Variants in HTR1E observed in about 807,000 individuals in gnomAD.
HTR1E encodes the protein 5-HT-1E.
Under a neutral mutation model 3.4 loss-of-function variants are expected in HTR1E, and 3 were observed. The observed-to-expected ratio is 0.89, with a 90% CI of 0.41 to 2.31. HTR1E has a LOEUF of 2.31. HTR1E is among the 30% of genes most tolerant of loss of function. The probability of loss-of-function intolerance (pLI) is 0.05; values close to 1 mark genes in which losing one functional copy is unlikely to be tolerated. For missense variants in HTR1E, 392 were observed against 467.0 expected (o/e 0.84, Z 1.48); for synonymous variants, 170 against 182.8 (o/e 0.93, Z 0.56).
chr6:87,000,720 A>AATG (rs1768009567), intron 1 of HTR1E, among the ~76,000 whole-genome samples: 4 of 152,236 alleles, frequency 2.6e-5, no homozygotes, highest in Admixed American at 6.5e-5. Flanking sequence ...GATTTCATCA[A>AATG]CACCAGACCT....
chr6:87,007,383 TTAGA>T lies in HTR1E; in HGVS notation c.-185-7762_-185-7759del, dbSNP rs1768129463. Among the ~76,000 whole-genome samples the T allele has an allele frequency of 3.3e-5, 5 of 152,214 alleles. No individual in the cohort carries two copies. The South Asian group carries it at 1.0e-3, about 32-fold the overall frequency. ...ATGGTTAATGGGTACAAAAGTATAG[TTAGA>T]TAGAAAAAATAAGATATTGCATTTG... On this transcript the variant is annotated intron_variant, in intron 1 of 1. Transcript: ENST00000305344.
intron 1 of HTR1E, among the ~76,000 whole-genome samples, chr6:86,993,836 G>A (rs1272876377): frequency 1.3e-5 from 2 of 152,104 alleles, no homozygotes; most frequent in East Asian, 1.9e-4. Flanking sequence ...ATCTGCAGAC[G>A]AAAAGGATTT....
chr6:86,954,429 A>G (rs904601970), intron 1 of HTR1E, among the ~76,000 whole-genome samples: 6 of 152,220 alleles, frequency 3.9e-5, no homozygotes, highest in Non-Finnish European at 8.8e-5. Flanking sequence ...ATCTGCTCAG[A>G]CAGCTGAATA....
In HTR1E at chr6:87,012,987, T is replaced by C. The variant is rs190198676; in HGVS notation, c.-185-2163T>C. ...TTAGGTTAAAGTAAATCAGGACTTA[T>C]GAAGTGAAATGTCAGTTTTCTAATG... is the stretch of plus-strand genomic sequence containing the variant. On this transcript the variant is annotated intron_variant, in intron 1 of 1. Transcript: ENST00000305344. Among the ~76,000 whole-genome samples, 602 of 152,328 alleles carry C rather than the reference T, an allele frequency of 4.0e-3. 5 individuals are homozygous for C. Among genetic ancestry groups the C allele is most frequent in the Non-Finnish European group, 5.9e-3 (399 of 68,016 alleles).
At chr6:86,998,312 G>C (rs550979552) in intron 1 of HTR1E, among the ~76,000 whole-genome samples, 1 of 152,070 alleles carries the variant, frequency 6.6e-6, no homozygotes, top group East Asian at 1.9e-4. Flanking sequence ...ATATCACCAA[G>C]ATAGACTACA....
intron 1 of HTR1E, among the ~76,000 whole-genome samples, chr6:86,954,233 G>A (rs932001932): frequency 6.6e-6 from 1 of 152,206 alleles, no homozygotes; most frequent in Non-Finnish European, 1.5e-5. Context: ...CAGAGCCTGA[G>A]ATATTTCCAT....
intron 1 of HTR1E, chr6:86,970,586 A>G (rs1366976020): frequency 1.2e-5 from 2 of 160,336 alleles, no homozygotes. Flanking sequence ...AAAGGCAAGG[A>G]GAAAGCTTAT....
chr6:86,978,586 A>G (rs1045364800), intron 1 of HTR1E, among the ~76,000 whole-genome samples: 3 of 152,200 alleles, frequency 2.0e-5, no homozygotes, highest in Admixed American at 2.0e-4. Flanking sequence ...GTTATGTGAG[A>G]TAATAAATTT....
intron 1 of HTR1E, among the ~76,000 whole-genome samples, chr6:86,972,687 T>C (rs1461755623): frequency 1.3e-5 from 2 of 152,164 alleles, no homozygotes; most frequent in African/African-American, 4.8e-5. Flanking sequence ...ACAAGCTAAT[T>C]ATAATATAAT....
chr6:86,960,286 G>A (rs552477884), intron 1 of HTR1E, among the ~76,000 whole-genome samples: 6 of 152,246 alleles, frequency 3.9e-5, no homozygotes, highest in South Asian at 4.2e-4. Flanking sequence ...CTCACTTGGC[G>A]GAAGTGCAGA....
chr6:86,999,922 A>G (rs772478287), intron 1 of HTR1E: 3 of 152,214 alleles, frequency 2.0e-5, no homozygotes, highest in Non-Finnish European at 4.4e-5. Flanking sequence ...GCCTTCAATA[A>G]ATACAAAGCA....
intron 1 of HTR1E, among the ~76,000 whole-genome samples, chr6:86,945,691 T>A (rs1051876797): frequency 6.6e-6 from 1 of 152,158 alleles, no homozygotes; most frequent in Admixed American, 6.5e-5. Context: ...TCAAAAAGGT[T>A]TTTTTAATTT....
At chr6:86,960,982 G>C (rs1767400116) in intron 1 of HTR1E, among the ~76,000 whole-genome samples, 1 of 152,170 alleles carries the variant, frequency 6.6e-6, no homozygotes, top group Non-Finnish European at 1.5e-5. Flanking sequence ...ATTCTGAATT[G>C]CTTTACACAT....
At chr6:86,976,711 C>G (rs1374369037) in intron 1 of HTR1E, among the ~76,000 whole-genome samples, 1 of 152,186 alleles carries the variant, frequency 6.6e-6, no homozygotes, top group Non-Finnish European at 1.5e-5. Flanking sequence ...CATTTCATCA[C>G]GTCAATGTGT....
At chr6:87,001,509 GGAA>G (rs1266525245) in intron 1 of HTR1E, among the ~76,000 whole-genome samples, 1 of 152,280 alleles carries the variant, frequency 6.6e-6, no homozygotes, top group African/African-American at 2.4e-5. Context: ...GTATTGCCAA[GGAA>G]GAAGATTTTA....
At chr6:86,965,331 T>C (rs1767458339) in intron 1 of HTR1E, among the ~76,000 whole-genome samples, 1 of 152,192 alleles carries the variant, frequency 6.6e-6, no homozygotes, top group Non-Finnish European at 1.5e-5. Flanking sequence ...CGACTTTCTA[T>C]GAGTTCCAGT....
At chr6:87,010,613 C>T (rs1364860732) in intron 1 of HTR1E, among the ~76,000 whole-genome samples, 1 of 146,380 alleles carries the variant, frequency 6.8e-6, no homozygotes, top group African/African-American at 2.5e-5. Context: ...AGGCGCTCCT[C>T]ACTTCCTAGA....
chr6:86,993,699 G>A (rs1767900206), intron 1 of HTR1E, among the ~76,000 whole-genome samples: 1 of 152,008 alleles, frequency 6.6e-6, no homozygotes, highest in African/African-American at 2.4e-5. Flanking sequence ...GAGGAAGACT[G>A]CTACAACAGA....
chr6:86,942,880 G>T (rs747619731), intron 1 of HTR1E, among the ~76,000 whole-genome samples: 3 of 152,168 alleles, frequency 2.0e-5, no homozygotes, highest in Non-Finnish European at 4.4e-5. Context: ...GATGAAAAAT[G>T]ACTTTAGAGG....
Sources: allele counts gnomAD v4.1 joint callset (sites outside exome capture counted in the v4.1 genomes callset), GRCh38; gene constraint gnomAD v4.1.1; transcripts MANE v1.5; gene names NCBI Gene and HGNC (gene_info 2026-07-23, HGNC 2026-07-21).